CTNNA1: variants seen among roughly 807,000 people sequenced by gnomAD.
CTNNA1 encodes the protein catenin alpha 1, also known as catenin alpha-1.
A neutral mutation model predicts 98.4 loss-of-function variants in CTNNA1; 37 were observed. The observed-to-expected ratio is 0.38, with a 90% confidence interval of 0.29 to 0.49. The LOEUF is 0.49. Among genes scored for constraint, CTNNA1 ranks in the 20% least tolerant of loss-of-function variants. The pLI, the probability that CTNNA1 is intolerant of heterozygous loss-of-function variation, is 0.95. For missense variants in CTNNA1, 761 were observed against 1,147.2 expected, an observed-to-expected ratio of 0.66 and a Z score of 4.86; for synonymous variants, 404 against 413.2, an observed-to-expected ratio of 0.98 and a Z score of 0.27.
intron 3 of CTNNA1, among the ~76,000 whole-genome samples, chr5:138,804,131 A>G (rs1211335814): frequency 6.6e-6 from 1 of 152,246 alleles, no homozygotes; most frequent in Non-Finnish European, 1.5e-5. Flanking sequence ...AAGGTATCTT[A>G]ATTGACACTC....
At chr5:138,756,703 T>G (rs983543055) in intron 1 of CTNNA1, among the ~76,000 whole-genome samples, 2 of 152,146 alleles carry the variant, frequency 1.3e-5, no homozygotes, top group Non-Finnish European at 2.9e-5. Flanking sequence ...GCAGAGGCCA[T>G]GTTGGGGTTT....
In CTNNA1 at chr5:138,781,554, C is replaced by CA. The variant is rs5871681; in HGVS notation, c.-2-352dup. 3.6e-3 allele frequency among the ~76,000 whole-genome samples: 466 copies of CA among 130,120 alleles called. 2 individuals carry two copies. Among genetic ancestry groups the CA allele is most frequent in the African/African-American group, 8.8e-3 (310 of 35,164 alleles). 85.4% of individuals were successfully genotyped at this position (130,120 alleles called of 152,430 possible). Reference sequence around the variant, plus strand: ...TGGGCGAAAGAGCAAGACTCTGTCTCAAAAAAAAAAAAAAAAAGAAAGTAG... The same window carrying CA: ...TGGGCGAAAGAGCAAGACTCTGTCTCAAAAAAAAAAAAAAAAAAGAAAGTAG... On this transcript the variant is annotated intron_variant, in intron 1 of 17. Transcript: ENST00000302763.
At chr5:138,857,477 T>TA (rs987129030) in intron 7 of CTNNA1, among the ~76,000 whole-genome samples, 27 of 149,364 alleles carry the variant, frequency 1.8e-4, no homozygotes, top group African/African-American at 2.7e-4. Context: ...CTGCATTCGT[T>TA]AAAAAAAAAA....
chr5:138,829,079 G>T (rs1247769647), intron 7 of CTNNA1, among the ~76,000 whole-genome samples: 1 of 152,006 alleles, frequency 6.6e-6, no homozygotes, highest in Non-Finnish European at 1.5e-5. Context: ...CCATGGTCGC[G>T]CCACTGTGCT....
chr5:138,859,318 T>C (rs1178929218), intron 7 of CTNNA1, among the ~76,000 whole-genome samples: 1 of 152,204 alleles, frequency 6.6e-6, no homozygotes, highest in Admixed American at 6.5e-5. Context: ...TTTAAAGATT[T>C]CTCAGACTGG....
rs1554085147 is a variant in CTNNA1 at position 138,825,485 on chromosome 5, T to TTTTTTTTTTTTTTG, written c.858+699_858+700insGTTTTTTTTTTTTT. On this transcript the variant is annotated intron_variant, in intron 6 of 17. Coordinates refer to ENST00000302763, the MANE Select transcript of CTNNA1 (RefSeq NM_001903.5). Reference sequence around the variant, plus strand: ...CCAGTAGATGGCAGCAGTATAAGTTTTTTTTTTTTTTTTAGGGCTTTAAAA... The same window carrying TTTTTTTTTTTTTTG: ...CCAGTAGATGGCAGCAGTATAAGTTTTTTTTTTTTTTTTGTTTTTTTTTTTTTAGGGCTTTAAAA... 2.5e-4 allele frequency among the ~76,000 whole-genome samples: 27 copies of TTTTTTTTTTTTTTG among 107,970 alleles called. 2 individuals carry two copies. The highest frequency in any genetic ancestry group is 3.9e-4 in the Non-Finnish European group (21 of 54,406). 70.8% of individuals were successfully genotyped at this position (107,970 alleles called of 152,430 possible). A position where few individuals can be genotyped will look rare whatever the true frequency, so the allele number is the denominator to read the frequency against.
At chr5:138,849,861 C>T (rs1429289862) in intron 7 of CTNNA1, among the ~76,000 whole-genome samples, 1 of 151,962 alleles carries the variant, frequency 6.6e-6, no homozygotes, top group Non-Finnish European at 1.5e-5. Context: ...AGTGCATTTA[C>T]ATGGCTTAAA....
intron 11 of CTNNA1, among the ~76,000 whole-genome samples, chr5:138,918,498 G>A (rs1190270308): frequency 6.6e-6 from 1 of 152,038 alleles, no homozygotes; most frequent in Non-Finnish European, 1.5e-5. Flanking sequence ...AAAACAGAGA[G>A]GAAATATTTA....
In CTNNA1 at chr5:138,784,899, C is replaced by A. The variant is rs527808874; in HGVS notation, c.301+1527C>A. 1.2e-3 allele frequency among the ~76,000 whole-genome samples: 177 copies of A among 152,172 alleles called. 1 individual carries two copies. The highest frequency in any genetic ancestry group is 4.0e-3 in the African/African-American group (167 of 41,526). On this transcript the variant is annotated intron_variant, in intron 3 of 17. Transcript: ENST00000302763. ...TCCCTCTTCTTATAAGGACATCAAC[C>A]ATTGAATTAGGGCCCACCTTAATCC... is the stretch of plus-strand genomic sequence containing the variant.
At chr5:138,869,131 G>T (rs1290764665) in intron 7 of CTNNA1, 1 of 148,318 alleles carries the variant, frequency 6.7e-6, no homozygotes, top group Non-Finnish European at 1.5e-5. Flanking sequence ...TCCAGTCTCA[G>T]TGTTGATAGG....
At chr5:138,871,838 A>G (rs1032157255) in intron 7 of CTNNA1, 1 of 151,992 alleles carries the variant, frequency 6.6e-6, no homozygotes, top group Non-Finnish European at 1.5e-5. Flanking sequence ...GTATTATATA[A>G]TAGTTGGAAA....
intron 10 of CTNNA1, among the ~76,000 whole-genome samples, chr5:138,910,052 G>GT (rs1760206168): frequency 6.6e-6 from 1 of 152,030 alleles, no homozygotes; most frequent in African/African-American, 2.4e-5. Flanking sequence ...CTTACTAAAA[G>GT]TTTCTCTGAG....
At chr5:138,777,051 A>G (rs1183711816) in intron 1 of CTNNA1, among the ~76,000 whole-genome samples, 1 of 151,852 alleles carries the variant, frequency 6.6e-6, no homozygotes, top group African/African-American at 2.4e-5. Context: ...GACGCTCCTC[A>G]CTTCCCAGAC....
chr5:138,806,460 C>T (rs1758095311), intron 3 of CTNNA1, among the ~76,000 whole-genome samples: 1 of 152,030 alleles, frequency 6.6e-6, no homozygotes, highest in Admixed American at 6.5e-5. Context: ...AAATAATGTA[C>T]TGTGCTTAAT....
chr5:138,930,530 A>G lies in CTNNA1; in HGVS notation c.2068A>G (p.Ser690Gly), dbSNP rs1246032350. ...AGCGAAGATTGCGGAACAGGTGGCC[A>G]GCTTCCAGGAAGAAAAGAGCAAGCT... ...QKAKIAEQVASFQEEKSKLDA... is the reference protein window; with the variant it reads ...QKAKIAEQVAGFQEEKSKLDA... Residue 690 changes from serine (S) to glycine (G), a missense_variant, in exon 15 of 18, where the codon AGC becomes GGC. Ser to Gly is a moderately conservative substitution (Grantham distance 56). Transcript: ENST00000302763. 4 of 1,614,100 alleles carry G rather than the reference A, an allele frequency of 2.5e-6. No individual in the cohort carries two copies. The highest frequency in any genetic ancestry group is 3.4e-6 in the Non-Finnish European group (4 of 1,179,960).
intron 1 of CTNNA1, among the ~76,000 whole-genome samples, chr5:138,770,417 G>A (rs146649878): frequency 1.1e-4 from 16 of 152,282 alleles, no homozygotes; most frequent in Non-Finnish European, 2.2e-4. Flanking sequence ...CTGAGGAAAT[G>A]AACATAGATA....
At position 138,881,939 on chromosome 5, in the gene CTNNA1, G is replaced by A. The variant is rs117019267; in HGVS notation, c.1063-4273G>A. Among the ~76,000 whole-genome samples, 47 of 152,338 alleles carry A rather than the reference G, an allele frequency of 3.1e-4. No homozygotes were observed. In the East Asian group the frequency reaches 9.0e-3, roughly 29 times the overall value. On this transcript the variant is annotated intron_variant, in intron 7 of 17. Coordinates refer to ENST00000302763, the MANE Select transcript of CTNNA1 (RefSeq NM_001903.5). Reference sequence around the variant, plus strand: ...CCTCAGGCTTACTCTAGATTAAAATGAGGATAGAAAGCAGAGGTTTATTTG... The same window carrying A: ...CCTCAGGCTTACTCTAGATTAAAATAAGGATAGAAAGCAGAGGTTTATTTG...
intron 1 of CTNNA1, among the ~76,000 whole-genome samples, chr5:138,763,545 A>G (rs542839614): frequency 1.3e-5 from 2 of 152,182 alleles, no homozygotes; most frequent in East Asian, 1.9e-4. Context: ...GTCTCACCAT[A>G]TTGCTTAGGC....
intron 3 of CTNNA1, among the ~76,000 whole-genome samples, chr5:138,809,183 G>C (rs1758414302): frequency 6.6e-6 from 1 of 152,020 alleles, no homozygotes; most frequent in Non-Finnish European, 1.5e-5. Context: ...GATTGTATAA[G>C]TTGGATATTC....
Sources: allele counts gnomAD v4.1 joint callset (sites outside exome capture counted in the v4.1 genomes callset), GRCh38; gene constraint gnomAD v4.1.1; transcripts MANE v1.5; gene names NCBI Gene and HGNC (gene_info 2026-07-23, HGNC 2026-07-21).